Variants in POU6F2 observed in about 807,000 individuals in gnomAD.
POU6F2 encodes the protein POU class 6 homeobox 2, also known as POU domain, class 6, transcription factor 2.
POU6F2 carries 31 observed loss-of-function variants against 71.3 expected under a neutral mutation model. The observed-to-expected ratio is 0.43, with a 90% CI of 0.33 to 0.59. POU6F2 has a LOEUF of 0.59. Ranked by LOEUF, POU6F2 falls within the 20% of genes least tolerant of loss-of-function variation. The pLI, the probability that POU6F2 is intolerant of heterozygous loss-of-function variation, is 0.04. For synonymous variants in POU6F2, 347 were observed against 355.7 expected, an observed-to-expected ratio of 0.98 and a Z score of 0.27; for missense variants, 783 against 856.8, an observed-to-expected ratio of 0.91 and a Z score of 1.07.
intron 5 of POU6F2, among the ~76,000 whole-genome samples, chr7:39,375,150 A>G (rs1218326612): frequency 6.6e-6 from 1 of 152,028 alleles, no homozygotes; most frequent in Non-Finnish European, 1.5e-5. Context: ...TGCTTGTTTT[A>G]CCTGATATTA....
In POU6F2 at chr7:39,370,667, C is replaced by T. The variant is rs545660164; in HGVS notation, c.972+30652C>T. Among the ~76,000 whole-genome samples, 6 of 152,338 alleles carry T rather than the reference C, an allele frequency of 3.9e-5. No individual in the cohort carries two copies. In the South Asian group the frequency reaches 8.3e-4, roughly 21 times the overall value. Reference sequence around the variant, plus strand: ...TTTATGTGTCAACTTGATTGGGCCACGTTGCCCACATAGCTCAAGTGTTAT... The same window carrying T: ...TTTATGTGTCAACTTGATTGGGCCATGTTGCCCACATAGCTCAAGTGTTAT... On this transcript the variant is annotated intron_variant, in intron 5 of 9. Transcript: ENST00000518318.
At chr7:39,056,788 T>C (rs1949880) in intron 1 of POU6F2, among the ~76,000 whole-genome samples, 47,897 of 151,354 alleles carry the variant, frequency 0.32, 8,230 homozygotes, top group African/African-American at 0.46. Flanking sequence ...TATGTGGGTA[T>C]TTATTTAGAC....
chr7:39,191,258 T>C (rs549489076), intron 2 of POU6F2, among the ~76,000 whole-genome samples: 1 of 152,362 alleles, frequency 6.6e-6, no homozygotes, highest in East Asian at 1.9e-4. Context: ...GTTTCTTTCC[T>C]TGTGGAACAA....
chr7:39,049,900 G>A (rs1257346416), intron 1 of POU6F2, among the ~76,000 whole-genome samples: 1 of 151,830 alleles, frequency 6.6e-6, no homozygotes, highest in African/African-American at 2.4e-5. Context: ...TGGCATCTGA[G>A]GACACTCAGA....
intron 2 of POU6F2, among the ~76,000 whole-genome samples, chr7:39,166,590 G>A (rs1446558002): frequency 1.3e-5 from 2 of 152,144 alleles, no homozygotes; most frequent in Non-Finnish European, 2.9e-5. Context: ...GTGAAAGCCG[G>A]AGCCTGTCAC....
Position 39,460,797 on chromosome 7 carries a change from G to A in POU6F2, c.1658+82G>A. 1 of 1,417,090 alleles carries A rather than the reference G, an allele frequency of 7.1e-7. No individual in the cohort carries two copies. The highest frequency in any genetic ancestry group is 1.4e-5 in the African/African-American group (1 of 69,396). 87.8% of individuals were successfully genotyped at this position (1,417,090 alleles called of 1,614,324 possible). A position where few individuals can be genotyped will look rare whatever the true frequency, so the allele number is the denominator to read the frequency against. On this transcript the variant is annotated intron_variant, in intron 9 of 9. Transcript: ENST00000518318. This position sits in a 1 kb window ranked among gnomAD's most constrained non-coding sequence, Gnocchi z 4.4. ...TCGCGGTTCAGCTTTTCTTCGTCGG[G>A]TGGGCAAAGCTGGAGGGGCAGAGAG...
In POU6F2 at chr7:39,430,907, G is replaced by A. The variant is rs147418716; in HGVS notation, c.1114-2170G>A. Among the ~76,000 whole-genome samples the A allele has an allele frequency of 8.2e-3, 1,254 of 152,322 alleles. 16 individuals are homozygous for A. Among genetic ancestry groups the A allele is most frequent in the African/African-American group, 0.028 (1,169 of 41,568 alleles). ...ATGGGTCAGTGGCTGAGTTTTCATT[G>A]TGCATGTGTGGAAAGGGGAGTTATC... On this transcript the variant is annotated intron_variant, in intron 6 of 9. Coordinates refer to ENST00000518318, the MANE Select transcript of POU6F2 (RefSeq NM_001370959.1).
At chr7:39,250,102 C>A (rs1783888017) in intron 4 of POU6F2, among the ~76,000 whole-genome samples, 1 of 152,152 alleles carries the variant, frequency 6.6e-6, no homozygotes, top group South Asian at 2.1e-4. Context: ...ATCTTGGCAG[C>A]CCGCGTGCAA....
intron 2 of POU6F2, among the ~76,000 whole-genome samples, chr7:39,126,790 G>C (rs1348015562): frequency 6.6e-6 from 1 of 152,148 alleles, no homozygotes; most frequent in Non-Finnish European, 1.5e-5. Flanking sequence ...GATACACATA[G>C]ATATTTACAA....
At chr7:39,206,090 A>G (rs1454619911) in intron 3 of POU6F2, among the ~76,000 whole-genome samples, 2 of 152,218 alleles carry the variant, frequency 1.3e-5, no homozygotes, top group Non-Finnish European at 2.9e-5. Context: ...GTGCCTGGCT[A>G]TTATACATTG....
chr7:39,246,633 A>G (rs1387987208), intron 4 of POU6F2, among the ~76,000 whole-genome samples: 5 of 152,106 alleles, frequency 3.3e-5, no homozygotes, highest in Non-Finnish European at 7.4e-5. Context: ...TGATGGGATG[A>G]CTCTGAGAAT....
intron 5 of POU6F2, among the ~76,000 whole-genome samples, chr7:39,349,197 A>T (rs1196153401): frequency 6.6e-6 from 1 of 152,216 alleles, no homozygotes; most frequent in African/African-American, 2.4e-5. Context: ...AGAAAGCTGA[A>T]ACGGTATGGT....
Position 39,460,004 on chromosome 7 carries a change from C to T in POU6F2, c.1490-543C>T, listed in dbSNP as rs1357364766. On this transcript the variant is annotated intron_variant, in intron 8 of 9. Coordinates refer to ENST00000518318, the MANE Select transcript of POU6F2 (RefSeq NM_001370959.1). This position sits in a 1 kb window ranked among gnomAD's most constrained non-coding sequence, Gnocchi z 4.4. Reference sequence around the variant, plus strand: ...TTCATAAGCATGCTCTTCTGAGGGACTAATGTGAATGTAAGAAATTAGGCA... The same window carrying T: ...TTCATAAGCATGCTCTTCTGAGGGATTAATGTGAATGTAAGAAATTAGGCA... Among the ~76,000 whole-genome samples, 1 of 152,094 alleles carries T rather than the reference C, an allele frequency of 6.6e-6. No individual in the cohort carries two copies. Among genetic ancestry groups the T allele is most frequent in the Non-Finnish European group, 1.5e-5 (1 of 68,022 alleles).
At chr7:39,450,673 T>G (rs1046292249) in intron 7 of POU6F2, among the ~76,000 whole-genome samples, 1 of 151,992 alleles carries the variant, frequency 6.6e-6, no homozygotes, top group African/African-American at 2.4e-5. Context: ...TTTTTAAAAT[T>G]AAATTAATTC....
chr7:38,998,462 A>T (rs1788802672), intron 1 of POU6F2, among the ~76,000 whole-genome samples: 1 of 152,196 alleles, frequency 6.6e-6, no homozygotes, highest in African/African-American at 2.4e-5. Context: ...ATATGATCTC[A>T]TTTTTAAAAA....
chr7:39,122,439 C>T (rs541219109), intron 2 of POU6F2, among the ~76,000 whole-genome samples: 2 of 152,288 alleles, frequency 1.3e-5, no homozygotes, highest in East Asian at 3.9e-4. Flanking sequence ...GTTCATAGGC[C>T]ACCGGTGCCA....
intron 8 of POU6F2, among the ~76,000 whole-genome samples, chr7:39,454,884 A>G (rs1211764048): frequency 6.6e-6 from 1 of 151,418 alleles, no homozygotes; most frequent in African/African-American, 2.4e-5. Context: ...TGGATCATAC[A>G]AAAGTCTTGC....
At chr7:38,997,983 C>T (rs1187356930) in intron 1 of POU6F2, among the ~76,000 whole-genome samples, 1 of 152,204 alleles carries the variant, frequency 6.6e-6, no homozygotes, top group African/African-American at 2.4e-5. Context: ...TGGGCACTTA[C>T]ATCACAACTC....
intron 4 of POU6F2, among the ~76,000 whole-genome samples, chr7:39,288,049 C>T (rs1422499081): frequency 6.6e-6 from 1 of 152,202 alleles, no homozygotes; most frequent in Non-Finnish European, 1.5e-5. Flanking sequence ...TAGCAATTAA[C>T]ACTATTTGCC....
Sources: gnomAD v4.1 joint callset for allele counts (sites outside exome capture counted in the v4.1 genomes callset) on GRCh38, gnomAD v4.1.1 for gene constraint, Gnocchi (gnomAD v3.1) non-coding constraint, MANE v1.5 for transcripts, NCBI Gene and HGNC (gene_info 2026-07-23, HGNC 2026-07-21) for gene names.